The following MAPKAP1 variants were observed in gnomAD, a reference collection of about 807,000 sequenced individuals.
MAPKAP1 encodes target of rapamycin complex 2 subunit MAPKAP1.
MAPKAP1 carries 20 observed loss-of-function variants against 65.7 expected under a neutral mutation model. The observed-to-expected ratio is 0.30, with a 90% CI of 0.21 to 0.44. The LOEUF (loss-of-function observed/expected upper bound fraction) is 0.44. MAPKAP1 is among the 20% of genes least tolerant of loss of function. The pLI, the probability that MAPKAP1 is intolerant of heterozygous loss-of-function variation, is 1.00. For missense variants in MAPKAP1, 423 were observed against 648.0 expected, an observed-to-expected ratio of 0.65 and a Z score of 3.77; for synonymous variants, 222 against 244.3, an observed-to-expected ratio of 0.91 and a Z score of 0.85.
chr9:125,468,053 T>C lies in MAPKAP1; in HGVS notation c.1264A>G (p.Lys422Glu), dbSNP rs1853746299. The stretch of plus-strand genomic sequence containing the variant: ...ATGGGTTTCTGCTTAATCCAAAACT[T>C]AGTGCTGGCTTTCTGATTCGTAACA... Reference protein sequence around the residue: ...DPVTNQKASTKFWIKQKPISI... With the variant: ...DPVTNQKASTEFWIKQKPISI... The change falls in exon 10 of 12, where the codon AAG (lysine) becomes GAG (glutamate). Residue 422 changes from lysine (K) to glutamate (E), a missense_variant. This residue lies in a region of MAPKAP1 where 185 missense variants were observed against 268.1 expected (regional missense o/e 0.69). Coordinates refer to ENST00000265960, the MANE Select transcript of MAPKAP1 (RefSeq NM_001006617.3). The C allele has an allele frequency of 1.2e-6, 2 of 1,614,188 alleles. No individual in the cohort carries two copies. Among genetic ancestry groups the C allele is most frequent in the Non-Finnish European group, 1.7e-6 (2 of 1,180,000 alleles).
intron 7 of MAPKAP1, among the ~76,000 whole-genome samples, chr9:125,519,703 C>T (rs143658567): frequency 2.0e-5 from 3 of 148,636 alleles, no homozygotes; most frequent in African/African-American, 7.4e-5. Flanking sequence ...AAACTGTTTA[C>T]AAAGGCAGGC....
chr9:125,667,148 C>T (rs1834362061), intron 3 of MAPKAP1, among the ~76,000 whole-genome samples: 1 of 152,102 alleles, frequency 6.6e-6, no homozygotes, highest in Non-Finnish European at 1.5e-5. Flanking sequence ...AACTATTTCT[C>T]CAGCATATTC....
At chr9:125,584,735 A>T (rs1198968107) in intron 5 of MAPKAP1, among the ~76,000 whole-genome samples, 2 of 152,174 alleles carry the variant, frequency 1.3e-5, no homozygotes, top group East Asian at 3.8e-4. Context: ...CTGAGAGTCC[A>T]TTTTTAAAAT....
intron 1 of MAPKAP1, among the ~76,000 whole-genome samples, chr9:125,690,807 TAC>T (rs780798962): frequency 8.5e-5 from 13 of 152,130 alleles, no homozygotes; most frequent in Non-Finnish European, 1.8e-4. Flanking sequence ...TAACTAAAAT[TAC>T]ACAGAGTTCA....
rs1442780162 is a variant in MAPKAP1 at position 125,657,638 on chromosome 9, CA to C, written c.498+12del. ...AGTTTTACTTAAAGGGACAAAGTCT[CA>C]TTTTTACTTACCTTGCCATCAAATT... On this transcript the variant is annotated intron_variant, in intron 4 of 11. Transcript: ENST00000265960. 6.3e-7 allele frequency: 1 copy of C among 1,596,694 alleles called. No homozygotes were observed. The highest frequency in any genetic ancestry group is 1.4e-5 in the African/African-American group (1 of 74,050).
chr9:125,500,924 G>A (rs1828958530), intron 8 of MAPKAP1, among the ~76,000 whole-genome samples: 1 of 152,134 alleles, frequency 6.6e-6, no homozygotes. Context: ...GGGGCGGAGG[G>A]AGGGATTGTT....
intron 4 of MAPKAP1, among the ~76,000 whole-genome samples, chr9:125,651,557 G>C (rs906059227): frequency 2.0e-5 from 3 of 152,216 alleles, no homozygotes; most frequent in Non-Finnish European, 4.4e-5. Flanking sequence ...AGTGAGCTGA[G>C]ATGGTGCGAC....
intron 9 of MAPKAP1, among the ~76,000 whole-genome samples, chr9:125,483,836 T>C (rs1432925184): frequency 2.6e-5 from 4 of 152,182 alleles, no homozygotes; most frequent in Non-Finnish European, 2.9e-5. Flanking sequence ...CAGTGACTAA[T>C]ACACAGCAGA....
In MAPKAP1 at chr9:125,600,356, A is replaced by C. The variant is rs548825265; in HGVS notation, c.499-14629T>G. On this transcript the variant is annotated intron_variant, in intron 4 of 11. Transcript: ENST00000265960. ...TGCTAGACTTCTGTTTGCTGAGTCAACTGAACTGATCTGGACTCTGGCCCT... is the reference window on the plus strand; with the variant it reads ...TGCTAGACTTCTGTTTGCTGAGTCACCTGAACTGATCTGGACTCTGGCCCT... Among the ~76,000 whole-genome samples the C allele has an allele frequency of 1.6e-4, 24 of 152,298 alleles. No individual in the cohort carries two copies. In the South Asian group the frequency reaches 5.0e-3, roughly 32 times the overall value.
intron 4 of MAPKAP1, among the ~76,000 whole-genome samples, chr9:125,609,584 T>C (rs1469156345): frequency 6.6e-6 from 1 of 152,216 alleles, no homozygotes; most frequent in Non-Finnish European, 1.5e-5. Context: ...CGAGCTCAAG[T>C]GATCCCCTTG....
intron 2 of MAPKAP1, among the ~76,000 whole-genome samples, 159 bp downstream of exon 2, chr9:125,672,157 T>C (rs1237311462): frequency 6.6e-6 from 1 of 152,226 alleles, no homozygotes; most frequent in Non-Finnish European, 1.5e-5. Flanking sequence ...GTCGCAGAGA[T>C]GGAGATGTTG....
chr9:125,507,038 G>A (rs535134845), intron 7 of MAPKAP1, among the ~76,000 whole-genome samples: 2 of 152,152 alleles, frequency 1.3e-5, no homozygotes, highest in African/African-American at 2.4e-5. Context: ...TCTGAGTTAC[G>A]ATGATGAAAA....
At chr9:125,496,912 A>C (rs72767102) in intron 8 of MAPKAP1, among the ~76,000 whole-genome samples, 2,042 of 152,226 alleles carry the variant, frequency 0.013, 17 homozygotes, top group Middle Eastern at 0.024. Flanking sequence ...AGGCCTGGCC[A>C]CAGACACCAG....
At chr9:125,679,040 C>T (rs531397367) in intron 1 of MAPKAP1, among the ~76,000 whole-genome samples, 3 of 151,048 alleles carry the variant, frequency 2.0e-5, no homozygotes, top group African/African-American at 4.9e-5. Context: ...CTCGCACTGT[C>T]GTCCAGGCTG....
intron 7 of MAPKAP1, among the ~76,000 whole-genome samples, chr9:125,518,660 A>C (rs1829533687): frequency 6.6e-6 from 1 of 152,238 alleles, no homozygotes; most frequent in South Asian, 2.1e-4. Context: ...ACAGAGCAAG[A>C]CCATCTCTAA....
intron 2 of MAPKAP1, among the ~76,000 whole-genome samples, chr9:125,671,164 C>G (rs1834486618): frequency 6.6e-6 from 1 of 152,208 alleles, no homozygotes; most frequent in Non-Finnish European, 1.5e-5. Flanking sequence ...GCAAGGAAGT[C>G]AGTTTCAACT....
chr9:125,490,764 G>C (rs1303838690), intron 8 of MAPKAP1, among the ~76,000 whole-genome samples: 1 of 152,210 alleles, frequency 6.6e-6, no homozygotes, highest in East Asian at 1.9e-4. Flanking sequence ...AGGCAGATAT[G>C]AAAATCCAGG....
Position 125,437,619 on chromosome 9 carries a change from T to C in MAPKAP1, c.*1268A>G, listed in dbSNP as rs998351218. ...CCTGTTGGCTGAACAAAGATCAGAA[T>C]GAAAGAAGAATTCATCAGCATGACC... On this transcript the variant is annotated 3_prime_UTR_variant, in exon 12 of 12. Transcript: ENST00000265960. 6.6e-6 allele frequency: 1 copy of C among 152,596 alleles called. No homozygotes were observed. Among genetic ancestry groups the C allele is most frequent in the Non-Finnish European group, 1.5e-5 (1 of 68,032 alleles). 9.5% of individuals were successfully genotyped at this position (152,596 alleles called of 1,614,324 possible). A position where few individuals can be genotyped will look rare whatever the true frequency, so the allele number is the denominator to read the frequency against.
intron 8 of MAPKAP1, among the ~76,000 whole-genome samples, chr9:125,488,376 CTCTTT>C (rs1372670757): frequency 6.8e-6 from 1 of 148,016 alleles, no homozygotes; most frequent in East Asian, 2.0e-4. Flanking sequence ...CTTTCTCTCT[CTCTTT>C]TGAGACAGAG....
Sources: gnomAD v4.1 joint callset for allele counts (sites outside exome capture counted in the v4.1 genomes callset) on GRCh38, gnomAD v4.1.1 for gene constraint, gnomAD v4.1.1 regional missense constraint, MANE v1.5 for transcripts, NCBI Gene and HGNC (gene_info 2026-07-23, HGNC 2026-07-21) for gene names.